Variants in RALGAPA2 observed in about 807,000 individuals in gnomAD.
RALGAPA2 encodes Ral GTPase activating protein catalytic subunit alpha 2.
RALGAPA2 carries 139 observed loss-of-function variants against 230.4 expected under a neutral mutation model. The observed-to-expected ratio is 0.60, with a 90% CI of 0.53 to 0.69. The LOEUF (loss-of-function observed/expected upper bound fraction) is 0.69. RALGAPA2 is among the 30% of genes least tolerant of loss of function. The probability of loss-of-function intolerance (pLI) is 0.00; values close to 1 mark genes in which losing one functional copy is unlikely to be tolerated. For synonymous variants in RALGAPA2, 847 were observed against 837.8 expected, an observed-to-expected ratio of 1.01 and a Z score of -0.19; for missense variants, 2,163 against 2,276.0, an observed-to-expected ratio of 0.95 and a Z score of 1.01.
chr20:20,598,415 T>C (rs2065529247), intron 16 of RALGAPA2, among the ~76,000 whole-genome samples: 2 of 152,202 alleles, frequency 1.3e-5, no homozygotes, highest in African/African-American at 4.8e-5. Flanking sequence ...TTCCCCCTAT[T>C]AAATAGCTAT....
chr20:20,468,105 C>T (rs2061459714), intron 37 of RALGAPA2, among the ~76,000 whole-genome samples: 1 of 152,136 alleles, frequency 6.6e-6, no homozygotes, highest in African/African-American at 2.4e-5. Flanking sequence ...GTCAAAAATC[C>T]ATTCCTTCAA....
chr20:20,486,560 G>C (rs993019839), intron 36 of RALGAPA2, among the ~76,000 whole-genome samples: 2 of 152,118 alleles, frequency 1.3e-5, no homozygotes, highest in African/African-American at 2.4e-5. Flanking sequence ...CCTGTGCTTT[G>C]TATGTGTCTA....
intron 4 of RALGAPA2, among the ~76,000 whole-genome samples, chr20:20,643,974 T>A (rs762666177): frequency 5.3e-5 from 8 of 152,132 alleles, no homozygotes; most frequent in Non-Finnish European, 1.0e-4. Context: ...ATTTATGGGG[T>A]TTGGTCCATC....
chr20:20,639,678 G>T (rs1204458446), intron 7 of RALGAPA2, 107 bp downstream of exon 7: 7 of 820,440 alleles, frequency 8.5e-6, no homozygotes, highest in Non-Finnish European at 7.7e-6. Context: ...TCACCTCAAA[G>T]AAAAAGAAAG....
chr20:20,444,866 G>C (rs146798066), intron 37 of RALGAPA2, among the ~76,000 whole-genome samples: 1 of 152,324 alleles, frequency 6.6e-6, no homozygotes, highest in East Asian at 1.9e-4. Context: ...GAAGTAATTC[G>C]TGTTTTAAAC....
chr20:20,467,131 A>G (rs141073312), intron 37 of RALGAPA2, among the ~76,000 whole-genome samples: 87 of 152,314 alleles, frequency 5.7e-4, no homozygotes, highest in African/African-American at 2.0e-3. Context: ...GAATTAATGT[A>G]TTTTAGATTT....
At chr20:20,598,572 G>T (rs1186268396) in intron 16 of RALGAPA2, 1 of 314,356 alleles carries the variant, frequency 3.2e-6, no homozygotes, top group Non-Finnish European at 6.5e-6. Context: ...TAGTGTAATG[G>T]TCAGGCACGT....
rs565569706 is a variant in RALGAPA2 at position 20,392,103 on chromosome 20, G to A, written c.*1186C>T. 4 of 152,340 alleles carry A rather than the reference G, an allele frequency of 2.6e-5. No homozygotes were observed. The highest frequency in any genetic ancestry group is 2.1e-4 in the South Asian group (1 of 4,826). 9.4% of individuals were successfully genotyped at this position (152,340 alleles called of 1,614,324 possible). On this transcript the variant is annotated 3_prime_UTR_variant, in exon 40 of 40. Coordinates refer to ENST00000202677, the MANE Select transcript of RALGAPA2 (RefSeq NM_020343.4). ...CTGACTGATTTCTCTGCTGCAGGAC[G>A]GGCAAGGCCCACCCAGGGCGCCCCA... is the stretch of plus-strand genomic sequence containing the variant.
intron 10 of RALGAPA2, among the ~76,000 whole-genome samples, chr20:20,621,855 C>T (rs1400791404): frequency 3.3e-5 from 5 of 152,152 alleles, no homozygotes; most frequent in African/African-American, 1.2e-4. Flanking sequence ...ATGAGGATAC[C>T]GAGGCTTACA....
intron 4 of RALGAPA2, among the ~76,000 whole-genome samples, chr20:20,643,757 A>C (rs935957724): frequency 6.6e-6 from 1 of 152,214 alleles, no homozygotes; most frequent in African/African-American, 2.4e-5. Flanking sequence ...AATTCTTTTA[A>C]AACAGTCAAA....
chr20:20,507,760 G>T (rs755056907), intron 33 of RALGAPA2, among the ~76,000 whole-genome samples: 1 of 152,128 alleles, frequency 6.6e-6, no homozygotes, highest in Non-Finnish European at 1.5e-5. Flanking sequence ...CAACAGGCAG[G>T]GGACACCAAT....
At chr20:20,682,695 A>G (rs2068562912) in intron 1 of RALGAPA2, among the ~76,000 whole-genome samples, 1 of 152,204 alleles carries the variant, frequency 6.6e-6, no homozygotes, top group African/African-American at 2.4e-5. Context: ...CAGAACCCAC[A>G]GTCTATCTCG....
chr20:20,639,980 T>G, intron 6 of RALGAPA2, 80 bp from the exon 7 acceptor site: 3 of 1,055,068 alleles, frequency 2.8e-6, no homozygotes, highest in Non-Finnish European at 4.4e-6. Context: ...AAATGGTCTC[T>G]ATTAAAATAC....
intron 23 of RALGAPA2, among the ~76,000 whole-genome samples, chr20:20,547,078 C>G (rs1311252108): frequency 6.6e-6 from 1 of 152,126 alleles, no homozygotes; most frequent in Non-Finnish European, 1.5e-5. Context: ...GGCTCTGAGA[C>G]TAGACATTTC....
intron 23 of RALGAPA2, among the ~76,000 whole-genome samples, chr20:20,567,090 G>A (rs1438866141): frequency 6.6e-6 from 1 of 152,138 alleles, no homozygotes; most frequent in Admixed American, 6.5e-5. Context: ...ATTACATTAA[G>A]ACATTAAATC....
chr20:20,410,911 C>T (rs2122759665), intron 38 of RALGAPA2, among the ~76,000 whole-genome samples: 1 of 152,322 alleles, frequency 6.6e-6, no homozygotes, highest in South Asian at 2.1e-4. Context: ...GCCTGCTGCT[C>T]CTGGCTCCCT....
intron 39 of RALGAPA2, 76 bp downstream of exon 39, chr20:20,396,619 G>T: frequency 7.2e-7 from 1 of 1,385,628 alleles, no homozygotes; most frequent in Non-Finnish European, 1.0e-6. Flanking sequence ...CGCTACCGAG[G>T]GCAGCCGATT....
rs546028970 is a variant in RALGAPA2 at position 20,513,292 on chromosome 20, C to T, written c.4085-8G>A. The T allele has an allele frequency of 1.4e-6, 2 of 1,436,614 alleles. No individual in the cohort carries two copies. The highest frequency in any genetic ancestry group is 1.8e-6 in the Non-Finnish European group (2 of 1,094,812). The allele number at this position is 1,436,614 out of a possible 1,614,324, so 89.0% of individuals were successfully genotyped here. ...AACTTCTTCTCTTCTTCTCTGTAAA[C>T]AGCGGTAAAGAAACATAAAGAGTCA... On this transcript the variant is annotated splice_region_variant and splice_polypyrimidine_tract_variant and intron_variant, in intron 31 of 39. Coordinates refer to ENST00000202677, the MANE Select transcript of RALGAPA2 (RefSeq NM_020343.4).
At chr20:20,540,174 G>A (rs989277127) in intron 24 of RALGAPA2, among the ~76,000 whole-genome samples, 1 of 152,098 alleles carries the variant, frequency 6.6e-6, no homozygotes, top group African/African-American at 2.4e-5. Context: ...AACTTTTTGA[G>A]AAACCTCCAT....
Sources: gnomAD v4.1 joint callset for allele counts (sites outside exome capture counted in the v4.1 genomes callset) on GRCh38, gnomAD v4.1.1 for gene constraint, MANE v1.5 for transcripts, NCBI Gene and HGNC (gene_info 2026-07-23, HGNC 2026-07-21) for gene names.